E2F6: variants seen among roughly 807,000 people sequenced by gnomAD.
The protein encoded by E2F6 is transcription factor E2F6.
E2F6 carries 19 observed loss-of-function variants against 31.5 expected under a neutral mutation model. The ratio of observed to expected loss-of-function variants is 0.60; its 90% CI spans 0.42 to 0.89. The LOEUF is 0.89. Among genes scored for constraint, E2F6 ranks in the 40% least tolerant of loss-of-function variants. The probability of loss-of-function intolerance (pLI) is 0.00; values close to 1 mark genes in which losing one functional copy is unlikely to be tolerated. For synonymous variants in E2F6, 121 were observed against 127.7 expected, an observed-to-expected ratio of 0.95 and a Z score of 0.36; for missense variants, 269 against 341.6, an observed-to-expected ratio of 0.79 and a Z score of 1.67.
At chr2:11,449,728 A>G (rs1293361906) in intron 5 of E2F6, among the ~76,000 whole-genome samples, 1 of 152,226 alleles carries the variant, frequency 6.6e-6, no homozygotes, top group Non-Finnish European at 1.5e-5. Flanking sequence ...GCAGTACAAT[A>G]GTGAAAAGCA....
At chr2:11,464,936 G>A (rs1361309188) in intron 1 of E2F6, among the ~76,000 whole-genome samples, 7 of 152,086 alleles carry the variant, frequency 4.6e-5, no homozygotes, top group African/African-American at 1.7e-4. Context: ...AATACGGGGA[G>A]AGGTCGGGCT....
chr2:11,461,067 C>T (rs941676751), intron 1 of E2F6, among the ~76,000 whole-genome samples: 5 of 152,168 alleles, frequency 3.3e-5, no homozygotes, highest in African/African-American at 1.2e-4. Context: ...AGAATCAGCA[C>T]TGTCTTGTCC....
At chr2:11,453,915 T>C (rs1043322524) in intron 2 of E2F6, 117 bp from the exon 3 acceptor site, 10 of 866,998 alleles carry the variant, frequency 1.2e-5, no homozygotes, top group African/African-American at 3.4e-5. Flanking sequence ...TGCCTACACA[T>C]TGACCAAATC....
At chr2:11,447,195 A>G (rs1670771506) in intron 6 of E2F6, among the ~76,000 whole-genome samples, 1 of 152,060 alleles carries the variant, frequency 6.6e-6, no homozygotes, top group Non-Finnish European at 1.5e-5. Context: ...GAAATGTGCA[A>G]CTGAGGACTG....
intron 1 of E2F6, among the ~76,000 whole-genome samples, chr2:11,463,954 G>T (rs545352807): frequency 7.6e-6 from 1 of 132,394 alleles, no homozygotes; most frequent in South Asian, 2.5e-4. Flanking sequence ...GCACCGGGGG[G>T]GGGGACAAAA....
At position 11,444,411 on chromosome 2, in the gene E2F6, A is replaced by G. The variant is rs1446015900; in HGVS notation, c.*2066T>C. On this transcript the variant is annotated 3_prime_UTR_variant, in exon 7 of 7. Coordinates refer to ENST00000381525, the MANE Select transcript of E2F6 (RefSeq NM_198256.4). The stretch of plus-strand genomic sequence containing the variant: ...GAGAGATACTTCATTTATAACACAC[A>G]TCTGTAATTTACAAAGGATTTTCGT... 1 of 152,186 alleles carries G rather than the reference A, an allele frequency of 6.6e-6. No homozygotes were observed. Among genetic ancestry groups the G allele is most frequent in the Non-Finnish European group, 1.5e-5 (1 of 68,030 alleles). 9.4% of individuals were successfully genotyped at this position (152,186 alleles called of 1,614,324 possible).
chr2:11,449,513 C>T (rs537999983), intron 5 of E2F6, among the ~76,000 whole-genome samples: 85 of 152,212 alleles, frequency 5.6e-4, no homozygotes, highest in Non-Finnish European at 1.1e-3. Context: ...AGGGAAAGAA[C>T]GCACTGAGCA....
chr2:11,447,173 G>A (rs1051561159), intron 6 of E2F6, among the ~76,000 whole-genome samples: 4 of 152,212 alleles, frequency 2.6e-5, no homozygotes, highest in Admixed American at 2.0e-4. Flanking sequence ...GGGTCCAGAG[G>A]CGACGTCCTT....
At chr2:11,448,000 A>T (rs994692138) in intron 5 of E2F6, among the ~76,000 whole-genome samples, 14 of 152,114 alleles carry the variant, frequency 9.2e-5, no homozygotes, top group African/African-American at 3.4e-4. Flanking sequence ...GTCTTTTTCT[A>T]CTCAGGAGCT....
At chr2:11,460,695 G>C (rs1432318182) in intron 1 of E2F6, among the ~76,000 whole-genome samples, 1 of 152,160 alleles carries the variant, frequency 6.6e-6, no homozygotes, top group Non-Finnish European at 1.5e-5. Flanking sequence ...AACAAACCTA[G>C]ATGGTACAGC....
At position 11,446,241 on chromosome 2, in the gene E2F6, T is replaced by C. The variant is rs1471586240; in HGVS notation, c.*236A>G. Reference sequence around the variant, plus strand: ...GCTACTTCAGGAGGCAAGATGTCTATTTCACTGACAAAAAGCAGTGAATAA... The same window carrying C: ...GCTACTTCAGGAGGCAAGATGTCTACTTCACTGACAAAAAGCAGTGAATAA... On this transcript the variant is annotated 3_prime_UTR_variant, in exon 7 of 7. Transcript: ENST00000381525. The C allele has an allele frequency of 8.1e-6, 4 of 494,480 alleles. No individual in the cohort carries two copies. Among genetic ancestry groups the C allele is most frequent in the Non-Finnish European group, 1.4e-5 (4 of 277,088 alleles). The allele number at this position is 494,480 out of a possible 1,614,324, so 30.6% of individuals were successfully genotyped here.
chr2:11,449,553 T>A (rs922704594), intron 5 of E2F6, among the ~76,000 whole-genome samples: 1 of 152,246 alleles, frequency 6.6e-6, no homozygotes, highest in African/African-American at 2.4e-5. Context: ...AATGTTCATT[T>A]ACACAGAAAT....
intron 5 of E2F6, among the ~76,000 whole-genome samples, chr2:11,448,185 C>A (rs1371883520): frequency 6.6e-6 from 1 of 152,064 alleles, no homozygotes; most frequent in Non-Finnish European, 1.5e-5. Context: ...AGGAAAAGAT[C>A]AAAATATATC....
rs977645506 is a variant in E2F6, at chr2:11,466,108, A to C, written c.-229T>G. On this transcript the variant is annotated 5_prime_UTR_variant, in exon 1 of 7. Transcript: ENST00000381525. Reference sequence around the variant, plus strand: ...ACGCAGACGGAAAAAGAGGAGGGAGACCCGCGGATCTCAAGTCGCCCGGCC... The same window carrying C: ...ACGCAGACGGAAAAAGAGGAGGGAGCCCCGCGGATCTCAAGTCGCCCGGCC... 1.0e-5 allele frequency: 5 copies of C among 479,650 alleles called. No individual in the cohort carries two copies. The highest frequency in any genetic ancestry group is 1.5e-5 in the Non-Finnish European group (4 of 274,228). The allele number at this position is 479,650 out of a possible 1,614,324, so 29.7% of individuals were successfully genotyped here.
rs773099114 is a variant in E2F6, at chr2:11,458,229, TAAG to T, written c.109-999_109-997del. The stretch of plus-strand genomic sequence containing the variant: ...GGGGCAAGTGAATTCATAGGTACTC[TAAG>T]AAGAGAATCAACAGCAGTACTAGGG... On this transcript the variant is annotated intron_variant, in intron 1 of 6. Transcript: ENST00000381525. 1.9e-4 allele frequency: 298 copies of T among 1,545,252 alleles called. 1 individual carries two copies. The highest frequency in any genetic ancestry group is 2.4e-4 in the Non-Finnish European group (277 of 1,141,360).
Position 11,445,735 on chromosome 2 carries a change from G to A in E2F6, c.*742C>T, listed in dbSNP as rs186783957. ...TCTGCTGGGAGACAGCAATTAGGTA[G>A]ACAGCTTAAAACCAAGAAGTATCTG... On this transcript the variant is annotated 3_prime_UTR_variant, in exon 7 of 7. Transcript: ENST00000381525. 6.6e-6 allele frequency: 1 copy of A among 152,332 alleles called. No homozygotes were observed. The highest frequency in any genetic ancestry group is 1.9e-4 in the East Asian group (1 of 5,186). The allele number at this position is 152,332 out of a possible 1,614,324, so 9.4% of individuals were successfully genotyped here. A position where few individuals can be genotyped will look rare whatever the true frequency, so the allele number is the denominator to read the frequency against.
At position 11,465,757 on chromosome 2, in the gene E2F6, C is replaced by A. The variant is rs1411970203; in HGVS notation, c.108+15G>T. On this transcript the variant is annotated intron_variant, in intron 1 of 6. Transcript: ENST00000381525. ...GGGAGACCACCGCCCGTCCCCGTCC[C>A]GTCCCGGAGCTTACCAGCAGGCCCT... 1.3e-6 allele frequency: 2 copies of A among 1,576,264 alleles called. No individual in the cohort carries two copies. The highest frequency in any genetic ancestry group is 1.3e-5 in the African/African-American group (1 of 74,150).
chr2:11,457,161 A>G lies in E2F6; in HGVS notation c.163+18T>C. The G allele has an allele frequency of 6.5e-7, 1 of 1,532,730 alleles. No homozygotes were observed. The highest frequency in any genetic ancestry group is 1.1e-5 in the South Asian group (1 of 87,570). The allele number at this position is 1,532,730 out of a possible 1,614,324, so 94.9% of individuals were successfully genotyped here. On this transcript the variant is annotated intron_variant, in intron 2 of 6. Transcript: ENST00000381525. Reference sequence around the variant, plus strand: ...TTCAAACTAACAAAACCTAAAACCTATTCAGGAATCAACTTACTTCTCATG... The same window carrying G: ...TTCAAACTAACAAAACCTAAAACCTGTTCAGGAATCAACTTACTTCTCATG...
At chr2:11,456,286 C>A (rs969684936) in intron 2 of E2F6, among the ~76,000 whole-genome samples, 3 of 152,160 alleles carry the variant, frequency 2.0e-5, no homozygotes, top group Non-Finnish European at 4.4e-5. Flanking sequence ...AATCCAATTT[C>A]TGTATTAGAC....
Sources: gnomAD v4.1 joint callset for allele counts (sites outside exome capture counted in the v4.1 genomes callset) on GRCh38, gnomAD v4.1.1 for gene constraint, MANE v1.5 for transcripts, NCBI Gene and HGNC (gene_info 2026-07-23, HGNC 2026-07-21) for gene names.